The following LRFN2 variants were observed in gnomAD, a reference collection of about 807,000 sequenced individuals.
LRFN2 encodes leucine-rich repeat and fibronectin type-III domain-containing protein 2.
In LRFN2, 18 loss-of-function variants were observed where a neutral mutation model predicts 37.3. That is an observed-to-expected ratio of 0.48 (90% CI 0.33 to 0.72). LRFN2 has a LOEUF of 0.72. LRFN2 is among the 30% of genes least tolerant of loss of function. The pLI, the probability that LRFN2 is intolerant of heterozygous loss-of-function variation, is 0.02. For synonymous variants in LRFN2, 556 were observed against 466.6 expected (o/e 1.19, Z -2.47); for missense variants, 1,006 against 1,060.7 (o/e 0.95, Z 0.72).
At position 40,392,600 on chromosome 6, in the gene LRFN2, G is replaced by T; in HGVS notation, c.1713C>A (p.Ala571=). ...NHEAPSKMAA[A]VSNVYSQTNG... ...TGGTCTGCGAGTACACATTGCTCAC[G>T]GCCGCTGCCATCTTGCTGGGGGCCT... The change falls in exon 3 of 3, where the codon GCC becomes GCA. Residue 571 remains alanine, a synonymous_variant. Transcript: ENST00000338305. This position sits in a 1 kb window ranked among gnomAD's most constrained non-coding sequence, Gnocchi z 4.7. 3 of 1,609,236 alleles carry T rather than the reference G, an allele frequency of 1.9e-6. No individual in the cohort carries two copies. Among genetic ancestry groups the T allele is most frequent in the Non-Finnish European group, 2.5e-6 (3 of 1,179,916 alleles).
At chr6:40,514,208 A>G (rs1017187415) in intron 1 of LRFN2, among the ~76,000 whole-genome samples, 1 of 152,184 alleles carries the variant, frequency 6.6e-6, no homozygotes, top group African/African-American at 2.4e-5. Flanking sequence ...TCCATGTGAA[A>G]GAAAGCGTTC....
At chr6:40,479,845 C>A (rs1319998435) in intron 1 of LRFN2, among the ~76,000 whole-genome samples, 1 of 152,218 alleles carries the variant, frequency 6.6e-6, no homozygotes, top group Non-Finnish European at 1.5e-5. Flanking sequence ...CTCTCCAGCA[C>A]GCAAGGCCCT....
intron 1 of LRFN2, among the ~76,000 whole-genome samples, chr6:40,553,357 T>C (rs13437573): frequency 0.015 from 2,323 of 152,204 alleles, 47 homozygotes; most frequent in African/African-American, 0.051. Context: ...AAAACAAATA[T>C]AACTGGCGTG....
At position 40,399,333 on chromosome 6, in the gene LRFN2, C is replaced by T. The variant is rs114031144; in HGVS notation, c.1401-6421G>A. 7.9e-3 allele frequency among the ~76,000 whole-genome samples: 1,194 copies of T among 151,822 alleles called. 19 individuals are homozygous for T. Among genetic ancestry groups the T allele is most frequent in the African/African-American group, 0.028 (1,142 of 41,496 alleles). ...TGTCCTGCCCCCCACCCACTGCTCC[C>T]ATGCTCACTGCCCCCACCTGTTGTT... On this transcript the variant is annotated intron_variant, in intron 2 of 2. Transcript: ENST00000338305.
intron 1 of LRFN2, among the ~76,000 whole-genome samples, chr6:40,498,793 A>T (rs1437390118): frequency 6.6e-6 from 1 of 152,200 alleles, no homozygotes; most frequent in Admixed American, 6.5e-5. Context: ...AGAGGCACAG[A>T]CACTTTGCCT....
At chr6:40,483,301 C>T (rs553712282) in intron 1 of LRFN2, among the ~76,000 whole-genome samples, 42 of 152,368 alleles carry the variant, frequency 2.8e-4, no homozygotes, top group African/African-American at 9.6e-4. Flanking sequence ...TCCCCTTGAA[C>T]CTGGGTTTCT....
intron 1 of LRFN2, among the ~76,000 whole-genome samples, chr6:40,580,967 GT>G (rs1767386745): frequency 6.6e-6 from 1 of 152,192 alleles, no homozygotes; most frequent in African/African-American, 2.4e-5. Flanking sequence ...AAGTGTGGAT[GT>G]GTGTGAGGTA....
At chr6:40,467,195 ATG>A (rs1764489506) in intron 1 of LRFN2, among the ~76,000 whole-genome samples, 2 of 150,678 alleles carry the variant, frequency 1.3e-5, no homozygotes, top group African/African-American at 2.5e-5. Flanking sequence ...GATGATGATG[ATG>A]ATGATGATGA....
At chr6:40,551,728 A>G (rs415698) in intron 1 of LRFN2, among the ~76,000 whole-genome samples, 18,443 of 152,284 alleles carry the variant, frequency 0.12, 1,338 homozygotes, top group Non-Finnish European at 0.16. Flanking sequence ...CATGATGCTA[A>G]GATCATACAC....
chr6:40,415,468 C>T (rs1763075365), intron 2 of LRFN2, among the ~76,000 whole-genome samples: 1 of 152,126 alleles, frequency 6.6e-6, no homozygotes, highest in Non-Finnish European at 1.5e-5. Context: ...TCAGGTGATC[C>T]ACCCACCTCG....
chr6:40,463,668 C>CTTTTTTT (rs1470775834), intron 1 of LRFN2, among the ~76,000 whole-genome samples: 79 of 91,278 alleles, frequency 8.7e-4, no homozygotes, highest in Admixed American at 1.5e-3. Flanking sequence ...TTCTTTCTTT[C>CTTTTTTT]TATTTTTTTT....
At chr6:40,454,067 C>T (rs182644791) in intron 1 of LRFN2, among the ~76,000 whole-genome samples, 157 of 152,276 alleles carry the variant, frequency 1.0e-3, no homozygotes, top group African/African-American at 3.6e-3. Context: ...ATGCTCCAGA[C>T]CAAGACCATT....
At chr6:40,470,167 C>T (rs1358555845) in intron 1 of LRFN2, among the ~76,000 whole-genome samples, 2 of 152,202 alleles carry the variant, frequency 1.3e-5, no homozygotes, top group African/African-American at 4.8e-5. Flanking sequence ...GCCAAGCCAA[C>T]ATGGCTCCCC....
chr6:40,569,573 T>C (rs531208594), intron 1 of LRFN2, among the ~76,000 whole-genome samples: 2 of 152,146 alleles, frequency 1.3e-5, no homozygotes, highest in African/African-American at 2.4e-5. Context: ...CCAGGTGTAA[T>C]GCCGCACTGC....
chr6:40,497,599 A>T (rs778532380), intron 1 of LRFN2, among the ~76,000 whole-genome samples: 20 of 152,170 alleles, frequency 1.3e-4, no homozygotes, highest in Non-Finnish European at 2.4e-4. Context: ...GTCTATGGGG[A>T]ACAGAAAAGA....
intron 2 of LRFN2, among the ~76,000 whole-genome samples, chr6:40,404,971 C>T (rs973318585): frequency 5.3e-5 from 8 of 152,222 alleles, no homozygotes; most frequent in African/African-American, 1.7e-4. Context: ...CTCCCATACT[C>T]AGCCTGTGCC....
rs141743094 is a variant in LRFN2 at position 40,558,086 on chromosome 6, G to A, written c.-19+28855C>T. Among the ~76,000 whole-genome samples, 1,177 of 152,326 alleles carry A rather than the reference G, an allele frequency of 7.7e-3. 6 individuals carry two copies. Among genetic ancestry groups the A allele is most frequent in the Non-Finnish European group, 9.1e-3 (621 of 68,036 alleles). On this transcript the variant is annotated intron_variant, in intron 1 of 2. Coordinates refer to ENST00000338305, the MANE Select transcript of LRFN2 (RefSeq NM_020737.3). ...GCCTCCTGACTCCACGCACGTGAAG[G>A]AGTGGAGAAGAGGAGGAGCCTTCTG...
chr6:40,467,419 C>T (rs754291316), intron 1 of LRFN2, among the ~76,000 whole-genome samples: 37 of 152,060 alleles, frequency 2.4e-4, no homozygotes, highest in Non-Finnish European at 5.0e-4. Context: ...AGACCTAAAT[C>T]AGAGGAGGTG....
rs1338608982 is a variant in LRFN2 at position 40,431,772 on chromosome 6, G to C, written c.1342C>G (p.Arg448Gly). The C allele has an allele frequency of 2.0e-6, 3 of 1,527,500 alleles. No individual in the cohort carries two copies. The highest frequency in any genetic ancestry group is 1.4e-5 in the African/African-American group (1 of 72,274). The allele number at this position is 1,527,500 out of a possible 1,614,324, so 94.6% of individuals were successfully genotyped here. A position where few individuals can be genotyped will look rare whatever the true frequency, so the allele number is the denominator to read the frequency against. The change falls in exon 2 of 3, where the codon CGG (arginine) becomes GGG (glycine). Residue 448 changes from arginine (R) to glycine (G), a missense_variant. Arg to Gly is a moderately radical substitution (Grantham distance 125, BLOSUM62 -2). Coordinates refer to ENST00000338305, the MANE Select transcript of LRFN2 (RefSeq NM_020737.3). ...VKWSVSKSAP[R>G]VKMYQLQYNC... ...TACTGCAGCTGGTACATCTTCACCC[G>C]GGGTGCTGACTTGCTGACAGACCAC...
Sources: allele counts gnomAD v4.1 joint callset (sites outside exome capture counted in the v4.1 genomes callset), GRCh38; gene constraint gnomAD v4.1.1; non-coding constraint Gnocchi (gnomAD v3.1); transcripts MANE v1.5; gene names NCBI Gene and HGNC (gene_info 2026-07-23, HGNC 2026-07-21).